The following SCAANT1 variants were observed in gnomAD, a reference collection of about 807,000 sequenced individuals.
SCAANT1 encodes ATXN7 antisense RNA 1 (non-protein coding).
At chr3:63,912,327 G>C (rs1378252112), upstream of SCAANT1, 1 of 152,728 alleles carries the variant, frequency 6.5e-6, no homozygotes, top group Non-Finnish European at 1.5e-5. Flanking sequence ...CCAGCGCCGC[G>C]GTGGCGGGCC....
chr3:63,911,827 C>T (rs1704024186), upstream of SCAANT1: 1 of 152,334 alleles, frequency 6.6e-6, no homozygotes, highest in Admixed American at 6.5e-5. Flanking sequence ...TCCCTGCACG[C>T]CCGGAGTCCG....
chr3:63,911,949 C>CGGCT (rs1704029774), upstream of SCAANT1: 1 of 152,404 alleles, frequency 6.6e-6, no homozygotes, highest in Non-Finnish European at 1.5e-5. Flanking sequence ...GCCGGCCGGC[C>CGGCT]GGCTCCTCCA....
upstream of SCAANT1, among the ~76,000 whole-genome samples, chr3:63,912,332 C>T (rs1375611667): frequency 1.3e-5 from 2 of 151,692 alleles, no homozygotes; most frequent in Non-Finnish European, 2.9e-5. Context: ...GCCGCGGTGG[C>T]GGGCCGCCTG....
At chr3:63,912,371 G>C (rs552273572), upstream of SCAANT1, among the ~76,000 whole-genome samples, 6 of 151,612 alleles carry the variant, frequency 4.0e-5, no homozygotes, top group Non-Finnish European at 7.4e-5. Context: ...GGGCGGCCGC[G>C]GGAGTCGAAA....
chr3:63,912,339 C>CGGTGG (rs1704056233), upstream of SCAANT1, among the ~76,000 whole-genome samples: 2 of 151,754 alleles, frequency 1.3e-5, no homozygotes, highest in Admixed American at 1.3e-4. Context: ...TGGCGGGCCG[C>CGGTGG]CTGCTGCCCG....
At chr3:63,911,670 G>GC (rs1443203964) in exon 1 of SCAANT1, 4 of 152,192 alleles carry the variant, frequency 2.6e-5, no homozygotes, top group Admixed American at 1.3e-4. Context: ...TTCTCTCTTT[G>GC]CTGGACGAAT....
chr3:63,911,769 TGACACCTGGGCA>T (rs887935445), exon 1 of SCAANT1: 43 of 152,386 alleles, frequency 2.8e-4, no homozygotes, highest in African/African-American at 1.0e-3. Context: ...TACTTCGTCC[TGACACCTGGGCA>T]GACACCTGGG....
upstream of SCAANT1, chr3:63,911,793 G>A (rs1704022830): frequency 6.6e-6 from 1 of 152,364 alleles, no homozygotes; most frequent in East Asian, 1.9e-4. Flanking sequence ...ACACCTGGGA[G>A]GCACTTCCCC....
At chr3:63,912,146 A>AGCCGG (rs1163710696), upstream of SCAANT1, 1 of 152,136 alleles carries the variant, frequency 6.6e-6, no homozygotes, top group African/African-American at 2.4e-5. Context: ...GGAGCGGGGC[A>AGCCGG]GCCGGGCCGG....
chr3:63,912,053 G>C (rs1704038537), upstream of SCAANT1: 1 of 152,282 alleles, frequency 6.6e-6, no homozygotes, highest in Non-Finnish European at 1.5e-5. Context: ...GGACCGGCAA[G>C]TGGGAGGAGG....
At chr3:63,911,945 C>G (rs1406992715), upstream of SCAANT1, 1 of 152,456 alleles carries the variant, frequency 6.6e-6, no homozygotes, top group Non-Finnish European at 1.5e-5. Flanking sequence ...TGGGGCCGGC[C>G]GGCCGGCTCC....
exon 1 of SCAANT1, chr3:63,911,616 G>C (rs1704015335): frequency 6.6e-6 from 1 of 152,066 alleles, no homozygotes; most frequent in South Asian, 2.1e-4. Context: ...AGCTTCTCTC[G>C]GTTTGTTTCA....
chr3:63,911,786 C>G (rs1704022104), upstream of SCAANT1: 1 of 152,262 alleles, frequency 6.6e-6, no homozygotes, highest in African/African-American at 2.4e-5. Context: ...TGGGCAGACA[C>G]CTGGGAGGCA....
chr3:63,912,127 C>G (rs1704044259), upstream of SCAANT1: 1 of 152,130 alleles, frequency 6.6e-6, no homozygotes, highest in South Asian at 2.1e-4. Flanking sequence ...GACGCGCGGA[C>G]GGAAGGAAGG....
At chr3:63,912,149 C>G (rs945931378), upstream of SCAANT1, 1 of 152,096 alleles carries the variant, frequency 6.6e-6, no homozygotes, top group African/African-American at 2.4e-5. Context: ...GCGGGGCAGC[C>G]GGGCCGGGCC....
At chr3:63,912,155 G>GGGCCC (rs1704046552), upstream of SCAANT1, 1 of 152,212 alleles carries the variant, frequency 6.6e-6, no homozygotes, top group South Asian at 2.1e-4. Context: ...CAGCCGGGCC[G>GGGCCC]GGCCCGGGGA....
At chr3:63,912,029 G>C (rs553594560), upstream of SCAANT1, 2 of 152,292 alleles carry the variant, frequency 1.3e-5, no homozygotes, top group Non-Finnish European at 2.9e-5. Flanking sequence ...TCGCCGGAGC[G>C]AGCTGAGAGG....
At chr3:63,911,558 A>T (rs1200648120) in exon 1 of SCAANT1, 2 of 152,156 alleles carry the variant, frequency 1.3e-5, no homozygotes, top group Non-Finnish European at 2.9e-5. Flanking sequence ...TGAATGAATC[A>T]CTTCCAGAAA....
chr3:63,911,537 T>C (rs1059030), exon 1 of SCAANT1: 1 of 152,222 alleles, frequency 6.6e-6, no homozygotes, highest in Non-Finnish European at 1.5e-5. Context: ...ATCAGATTTT[T>C]ACTTTTGGGG....
Sources: gnomAD v4.1 joint callset for allele counts (sites outside exome capture counted in the v4.1 genomes callset) on GRCh38, gnomAD v4.1.1 for gene constraint, MANE v1.5 for transcripts, NCBI Gene and HGNC (gene_info 2026-07-23, HGNC 2026-07-21) for gene names.